The following FSIP1 variants were observed in gnomAD, a reference collection of about 807,000 sequenced individuals.
FSIP1 encodes fibrous sheath interacting protein 1.
In FSIP1, 65 loss-of-function variants were observed where a neutral mutation model predicts 60.9. The ratio of observed to expected loss-of-function variants is 1.07; its 90% CI spans 0.87 to 1.31. FSIP1 has a LOEUF of 1.31. Among genes scored for constraint, FSIP1 ranks in the 40% most tolerant of loss-of-function variants. The pLI, the probability that FSIP1 is intolerant of heterozygous loss-of-function variation, is 0.00. For missense variants in FSIP1, 675 were observed against 665.5 expected, an observed-to-expected ratio of 1.01 and a Z score of -0.16; for synonymous variants, 209 against 221.2, an observed-to-expected ratio of 0.94 and a Z score of 0.49.
chr15:39,625,856 G>A (rs1424430937), intron 10 of FSIP1, among the ~76,000 whole-genome samples: 5 of 152,164 alleles, frequency 3.3e-5, no homozygotes, highest in East Asian at 1.9e-4. Context: ...CCCCTACTCC[G>A]GGAAGTAGAT....
chr15:39,758,799 GAC>G (rs978519283), intron 5 of FSIP1, among the ~76,000 whole-genome samples: 7 of 151,942 alleles, frequency 4.6e-5, no homozygotes, highest in Admixed American at 1.3e-4. Context: ...ATATTACAAA[GAC>G]ACAATAATCA....
At chr15:39,700,512 T>G (rs937787135) in intron 10 of FSIP1, among the ~76,000 whole-genome samples, 2 of 152,250 alleles carry the variant, frequency 1.3e-5, no homozygotes, top group African/African-American at 4.8e-5. Flanking sequence ...CAAAAAGTAA[T>G]TGTGCAACAT....
At chr15:39,731,685 C>T (rs146489840) in intron 8 of FSIP1, among the ~76,000 whole-genome samples, 1 of 152,298 alleles carries the variant, frequency 6.6e-6, no homozygotes, top group East Asian at 1.9e-4. Flanking sequence ...GAACTTCTAG[C>T]TTTTAGGAAA....
intron 11 of FSIP1, among the ~76,000 whole-genome samples, chr15:39,604,576 A>C (rs1335415960): frequency 6.6e-6 from 1 of 152,216 alleles, no homozygotes; most frequent in Non-Finnish European, 1.5e-5. Context: ...CTATACACTA[A>C]GGTTTTATAT....
intron 10 of FSIP1, among the ~76,000 whole-genome samples, chr15:39,662,398 A>G (rs973754064): frequency 1.8e-4 from 28 of 152,152 alleles, no homozygotes; most frequent in African/African-American, 6.3e-4. Context: ...AGTTCTTTAG[A>G]AGAGTTCTTT....
At chr15:39,618,284 T>A in intron 10 of FSIP1, 39 bp from the exon 11 acceptor site, 1 of 1,524,924 alleles carries the variant, frequency 6.6e-7, no homozygotes, top group Admixed American at 1.9e-5. Flanking sequence ...GTCAGTTGAC[T>A]GAGTAAACAC....
At chr15:39,601,693 C>A (rs1890646482) in intron 11 of FSIP1, among the ~76,000 whole-genome samples, 1 of 152,122 alleles carries the variant, frequency 6.6e-6, no homozygotes. Context: ...TGTGATATAT[C>A]CATATAATTG....
chr15:39,715,236 G>C (rs540706491), intron 9 of FSIP1, among the ~76,000 whole-genome samples: 29 of 152,120 alleles, frequency 1.9e-4, no homozygotes, highest in African/African-American at 6.3e-4. Context: ...ACTACTACCA[G>C]TTCCCCCAAT....
chr15:39,779,723 C>T (rs1898186842), intron 1 of FSIP1, among the ~76,000 whole-genome samples: 1 of 152,180 alleles, frequency 6.6e-6, no homozygotes, highest in Non-Finnish European at 1.5e-5. Flanking sequence ...CAAGTGCCAA[C>T]TTATATAACA....
intron 9 of FSIP1, among the ~76,000 whole-genome samples, chr15:39,725,736 TA>T (rs1231383064): frequency 2.6e-5 from 4 of 152,022 alleles, no homozygotes; most frequent in African/African-American, 9.7e-5. Flanking sequence ...TACTAAAATA[TA>T]GGGTTGAGGG....
At chr15:39,725,225 G>T (rs1041813282) in intron 9 of FSIP1, among the ~76,000 whole-genome samples, 1 of 152,096 alleles carries the variant, frequency 6.6e-6, no homozygotes, top group Non-Finnish European at 1.5e-5. Flanking sequence ...GCGAGATTCC[G>T]TCTCAAAATA....
chr15:39,680,088 T>C (rs1340988724), intron 10 of FSIP1, among the ~76,000 whole-genome samples: 1 of 152,192 alleles, frequency 6.6e-6, no homozygotes, highest in East Asian at 1.9e-4. Flanking sequence ...ACTGGGGAAA[T>C]GCAAAGAATA....
At chr15:39,683,258 T>C (rs892988335) in intron 10 of FSIP1, among the ~76,000 whole-genome samples, 1 of 152,068 alleles carries the variant, frequency 6.6e-6, no homozygotes, top group Admixed American at 6.5e-5. Flanking sequence ...GGCTTTGTCA[T>C]GGGAATGCAA....
At chr15:39,774,168 C>G (rs1362495357) in intron 2 of FSIP1, among the ~76,000 whole-genome samples, 8 of 152,116 alleles carry the variant, frequency 5.3e-5, no homozygotes. Context: ...CCGGATTTTT[C>G]AGAACTTAAA....
chr15:39,608,823 C>A (rs935374463), intron 11 of FSIP1, among the ~76,000 whole-genome samples: 11 of 152,148 alleles, frequency 7.2e-5, no homozygotes, highest in Non-Finnish European at 1.3e-4. Flanking sequence ...CTCCTGAACT[C>A]CCTGAACGTG....
chr15:39,656,189 A>T (rs1893063444), intron 10 of FSIP1, among the ~76,000 whole-genome samples: 2 of 152,184 alleles, frequency 1.3e-5, no homozygotes, highest in Admixed American at 1.3e-4. Context: ...TTGTGGTCAC[A>T]GTTGACATAA....
intron 10 of FSIP1, among the ~76,000 whole-genome samples, chr15:39,712,172 G>C (rs114956520): frequency 0.12 from 18,852 of 151,972 alleles, 1,381 homozygotes; most frequent in African/African-American, 0.2. Context: ...TCATTAGGGG[G>C]CCTGAGCTCC....
At chr15:39,755,680 C>T (rs1897280089) in intron 5 of FSIP1, among the ~76,000 whole-genome samples, 1 of 152,032 alleles carries the variant, frequency 6.6e-6, no homozygotes, top group South Asian at 2.1e-4. Flanking sequence ...CATCCAAGAG[C>T]AGAAGTATCA....
In FSIP1 at chr15:39,617,734, C is replaced by A. The variant is rs780407277; in HGVS notation, c.1699+1G>T. 6 of 1,606,122 alleles carry A rather than the reference C, an allele frequency of 3.7e-6. No homozygotes were observed. The highest frequency in any genetic ancestry group is 5.1e-6 in the Non-Finnish European group (6 of 1,175,724). On this transcript the variant is annotated splice_donor_variant, in intron 11 of 11. Transcript: ENST00000350221. LOFTEE classifies it high-confidence loss of function. ...CAAAACACATGTTCGCCAAGCCTCA[C>A]CTGCTATTGTATTCTCTGGAGAACT...
Sources: allele counts gnomAD v4.1 joint callset (sites outside exome capture counted in the v4.1 genomes callset), GRCh38; gene constraint gnomAD v4.1.1; transcripts MANE v1.5; gene names NCBI Gene and HGNC (gene_info 2026-07-23, HGNC 2026-07-21).